Variants in ITPK1 observed in about 807,000 individuals in gnomAD.
ITPK1 encodes the protein inositol 1,3,4-trisphosphate 5/6-kinase.
A neutral mutation model predicts 45.3 loss-of-function variants in ITPK1; 21 were observed. The ratio of observed to expected loss-of-function variants is 0.46; its 90% CI spans 0.33 to 0.67. The LOEUF (loss-of-function observed/expected upper bound fraction) is 0.67. Among genes scored for constraint, ITPK1 ranks in the 30% least tolerant of loss-of-function variants. The probability of loss-of-function intolerance (pLI) is 0.02; values close to 1 mark genes in which losing one functional copy is unlikely to be tolerated. For missense variants in ITPK1, 474 were observed against 573.5 expected, an observed-to-expected ratio of 0.83 and a Z score of 1.77; for synonymous variants, 258 against 253.6, an observed-to-expected ratio of 1.02 and a Z score of -0.16.
At chr14:92,997,670 A>C (rs1345300474) in intron 4 of ITPK1, among the ~76,000 whole-genome samples, 2 of 152,224 alleles carry the variant, frequency 1.3e-5, no homozygotes, top group Non-Finnish European at 2.9e-5. Flanking sequence ...GAAGAAGGGC[A>C]GCGCCGTCTC....
chr14:93,032,959 C>T lies in ITPK1; in HGVS notation c.121-16158G>A, dbSNP rs983193693. 3.3e-5 allele frequency among the ~76,000 whole-genome samples: 5 copies of T among 152,218 alleles called. No individual in the cohort carries two copies. The highest frequency in any genetic ancestry group is 2.0e-4 in the Admixed American group (3 of 15,280). ...AGCTGGTGGGCTTCATCTCCCTGGGCAGCAGTTGTGAGCTGCTGAGAAGGC... is the reference window on the plus strand; with the variant it reads ...AGCTGGTGGGCTTCATCTCCCTGGGTAGCAGTTGTGAGCTGCTGAGAAGGC... On this transcript the variant is annotated intron_variant, in intron 3 of 10. Coordinates refer to ENST00000267615, the MANE Select transcript of ITPK1 (RefSeq NM_014216.6). This position sits in a 1 kb window ranked among gnomAD's most constrained non-coding sequence, Gnocchi z 4.0.
chr14:92,996,892 C>A (rs749320012), intron 4 of ITPK1, among the ~76,000 whole-genome samples: 64 of 152,184 alleles, frequency 4.2e-4, no homozygotes, highest in African/African-American at 1.3e-3. Flanking sequence ...CTTGGCTTCT[C>A]AGAGTCTCAG....
chr14:92,947,888 G>C (rs989742035), intron 9 of ITPK1, among the ~76,000 whole-genome samples: 1 of 152,184 alleles, frequency 6.6e-6, no homozygotes, highest in Non-Finnish European at 1.5e-5. Flanking sequence ...AGCTGAGAAC[G>C]TGTACTCAAA....
intron 3 of ITPK1, among the ~76,000 whole-genome samples, chr14:93,058,913 G>GA: frequency 8.0e-5 from 1 of 12,550 alleles, no homozygotes. Flanking sequence ...ACGAGGCGGG[G>GA]TGGAGGGGGT....
intron 5 of ITPK1, among the ~76,000 whole-genome samples, chr14:92,969,045 A>T (rs1885520116): frequency 6.6e-6 from 1 of 152,176 alleles, no homozygotes; most frequent in Admixed American, 6.5e-5. Context: ...GCACCGCTTG[A>T]GTCAGTTTCT....
At chr14:93,037,609 G>A (rs557428458) in intron 3 of ITPK1, among the ~76,000 whole-genome samples, 8 of 152,118 alleles carry the variant, frequency 5.3e-5, no homozygotes, top group Non-Finnish European at 8.8e-5. Context: ...TCCTACTGGC[G>A]AGCCCGGGGC....
chr14:93,034,654 A>C lies in ITPK1; in HGVS notation c.121-17853T>G, dbSNP rs2139897854. 6.6e-6 allele frequency among the ~76,000 whole-genome samples: 1 copy of C among 152,370 alleles called. No homozygotes were observed. Among genetic ancestry groups the C allele is most frequent in the Admixed American group, 6.5e-5 (1 of 15,312 alleles). ...GGGACTCAGTGAAAGCCTATGGCTAAGTGGGCACATAATGACCCACCAAGC... is the reference window on the plus strand; with the variant it reads ...GGGACTCAGTGAAAGCCTATGGCTACGTGGGCACATAATGACCCACCAAGC... On this transcript the variant is annotated intron_variant, in intron 3 of 10. Transcript: ENST00000267615. The surrounding 1 kb of genome is among the most constrained non-coding windows in gnomAD (Gnocchi z 4.1).
intron 5 of ITPK1, among the ~76,000 whole-genome samples, chr14:92,965,864 G>A (rs1363676122): frequency 2.6e-5 from 4 of 151,988 alleles, no homozygotes; most frequent in African/African-American, 9.7e-5. Context: ...TTAGCCAGGC[G>A]TGGTGGTGCA....
intron 3 of ITPK1, among the ~76,000 whole-genome samples, chr14:93,074,868 G>A (rs1891152913): frequency 6.6e-6 from 1 of 152,012 alleles, no homozygotes; most frequent in Non-Finnish European, 1.5e-5. Context: ...TGTACCCCTG[G>A]CAGGCACTAC....
chr14:93,076,759 G>T lies in ITPK1; in HGVS notation c.96-140C>A. On this transcript the variant is annotated intron_variant, in intron 2 of 10. Transcript: ENST00000267615. The surrounding 1 kb of genome is among the most constrained non-coding windows in gnomAD (Gnocchi z 4.3). Reference sequence around the variant, plus strand: ...CGGCAGCTGCGCCTCTCCTGCTACTGTCCCAGAACAGCCATGCCTTCCACT... The same window carrying T: ...CGGCAGCTGCGCCTCTCCTGCTACTTTCCCAGAACAGCCATGCCTTCCACT... 3.3e-6 allele frequency: 3 copies of T among 917,748 alleles called. No homozygotes were observed. Among genetic ancestry groups the T allele is most frequent in the Non-Finnish European group, 3.5e-6 (2 of 573,260 alleles). The allele number at this position is 917,748 out of a possible 1,614,324, so 56.9% of individuals were successfully genotyped here. A position where few individuals can be genotyped will look rare whatever the true frequency, so the allele number is the denominator to read the frequency against.
rs1891408201 is a variant in ITPK1 at position 93,080,877 on chromosome 14, C to T, written c.96-4258G>A. ...TCGGCCTCCCGAGTAGCTGGGACTACAGGCATTTGCCATGATGCCAGCCAA... is the reference window on the plus strand; with the variant it reads ...TCGGCCTCCCGAGTAGCTGGGACTATAGGCATTTGCCATGATGCCAGCCAA... On this transcript the variant is annotated intron_variant, in intron 2 of 10. Coordinates refer to ENST00000267615, the MANE Select transcript of ITPK1 (RefSeq NM_014216.6). Among the ~76,000 whole-genome samples, 5 of 152,214 alleles carry T rather than the reference C, an allele frequency of 3.3e-5. No individual in the cohort carries two copies. In the South Asian group the frequency reaches 1.0e-3, roughly 32 times the overall value.
intron 9 of ITPK1, among the ~76,000 whole-genome samples, chr14:92,950,585 G>A (rs1887912006): frequency 6.6e-6 from 1 of 152,258 alleles, no homozygotes; most frequent in African/African-American, 2.4e-5. Flanking sequence ...TACAGATGAG[G>A]AGATTAAGGC....
At chr14:93,085,813 A>C (rs1476067988) in intron 2 of ITPK1, among the ~76,000 whole-genome samples, 1 of 152,118 alleles carries the variant, frequency 6.6e-6, no homozygotes, top group Non-Finnish European at 1.5e-5. Context: ...CTCGACTTGA[A>C]ATTGTTTTTG....
intron 4 of ITPK1, among the ~76,000 whole-genome samples, chr14:92,999,258 C>T (rs1887212874): frequency 6.6e-6 from 1 of 152,246 alleles, no homozygotes; most frequent in Non-Finnish European, 1.5e-5. Flanking sequence ...CAGCACCTTC[C>T]CGTATTTGCG....
At chr14:93,022,350 A>C (rs1888512435) in intron 3 of ITPK1, among the ~76,000 whole-genome samples, 1 of 152,286 alleles carries the variant, frequency 6.6e-6, no homozygotes, top group Non-Finnish European at 1.5e-5. Context: ...GGTGCTGGCT[A>C]ATGCTGGGCA....
intron 3 of ITPK1, among the ~76,000 whole-genome samples, chr14:93,035,985 C>G (rs538789610): frequency 6.6e-6 from 1 of 152,194 alleles, no homozygotes; most frequent in Admixed American, 6.5e-5. Flanking sequence ...GACTCCGGCA[C>G]GTGATGACTA....
At chr14:92,978,851 C>A (rs116224570) in intron 5 of ITPK1, among the ~76,000 whole-genome samples, 3,394 of 152,256 alleles carry the variant, frequency 0.022, 117 homozygotes, top group African/African-American at 0.078. Flanking sequence ...TAGGGCAGTG[C>A]AGAGAGTAAA....
chr14:92,962,296 G>A lies in ITPK1; in HGVS notation c.504+59C>T, dbSNP rs377621405. 5.6e-6 allele frequency: 7 copies of A among 1,251,254 alleles called. No individual in the cohort carries two copies. The African/African-American group carries it at 8.8e-5, about 16-fold the overall frequency. The allele number at this position is 1,251,254 out of a possible 1,614,324, so 77.5% of individuals were successfully genotyped here. A position where few individuals can be genotyped will look rare whatever the true frequency, so the allele number is the denominator to read the frequency against. ...GAGGAATCCGGCAGGGTAGCAGTGA[G>A]ACACGATGAGCTGAAAGGATGGGGG... is the stretch of plus-strand genomic sequence containing the variant. On this transcript the variant is annotated intron_variant, in intron 7 of 10. Transcript: ENST00000267615.
chr14:92,973,662 C>T (rs1885778168), intron 5 of ITPK1, among the ~76,000 whole-genome samples: 1 of 152,202 alleles, frequency 6.6e-6, no homozygotes, highest in African/African-American at 2.4e-5. Flanking sequence ...TGGAAACAAC[C>T]CAAATGGCTT....
Sources: allele counts gnomAD v4.1 joint callset (sites outside exome capture counted in the v4.1 genomes callset), GRCh38; gene constraint gnomAD v4.1.1; non-coding constraint Gnocchi (gnomAD v3.1); transcripts MANE v1.5; gene names NCBI Gene and HGNC (gene_info 2026-07-23, HGNC 2026-07-21).